The following RSPRY1 variants were observed in gnomAD, a reference collection of about 807,000 sequenced individuals.
The protein encoded by RSPRY1 is RING finger and SPRY domain-containing protein 1.
A neutral mutation model predicts 73.1 loss-of-function variants in RSPRY1; 23 were observed. The observed-to-expected ratio is 0.31, with a 90% CI of 0.23 to 0.45. The LOEUF is 0.45. Among genes scored for constraint, RSPRY1 ranks in the 20% least tolerant of loss-of-function variants. The probability of loss-of-function intolerance (pLI) is 1.00; values close to 1 mark genes in which losing one functional copy is unlikely to be tolerated. For missense variants in RSPRY1, 448 were observed against 698.7 expected (o/e 0.64, Z 4.05); for synonymous variants, 226 against 251.4 (o/e 0.90, Z 0.95).
chr16:57,221,527 C>A, intron 10 of RSPRY1, 112 bp downstream of exon 10: 2 of 1,166,530 alleles, frequency 1.7e-6, no homozygotes, highest in Non-Finnish European at 2.4e-6. Flanking sequence ...ATAATCTTTT[C>A]TTGGGCAGAG....
intron 7 of RSPRY1, 47 bp downstream of exon 7, chr16:57,216,220 TAAA>T: frequency 7.2e-7 from 1 of 1,392,252 alleles, no homozygotes; most frequent in Non-Finnish European, 1.0e-6. Context: ...TATTGGTTGT[TAAA>T]AATTTTATTT....
At chr16:57,199,615 T>C (rs1384866444) in intron 1 of RSPRY1, among the ~76,000 whole-genome samples, 1 of 152,236 alleles carries the variant, frequency 6.6e-6, no homozygotes, top group Non-Finnish European at 1.5e-5. Context: ...AGAGGAACTT[T>C]CACATTCCAT....
chr16:57,232,163 C>G (rs2075232470), intron 13 of RSPRY1, among the ~76,000 whole-genome samples: 1 of 152,192 alleles, frequency 6.6e-6, no homozygotes, highest in South Asian at 2.1e-4. Context: ...CATGACATAG[C>G]TAATGTCGGA....
intron 2 of RSPRY1, among the ~76,000 whole-genome samples, chr16:57,206,613 C>T (rs2074730720): frequency 6.6e-6 from 1 of 152,036 alleles, no homozygotes; most frequent in Admixed American, 6.6e-5. Flanking sequence ...CCCAGGCTGG[C>T]GTACAGTGGC....
At chr16:57,230,634 G>A in intron 11 of RSPRY1, 77 bp from the exon 12 acceptor site, 1 of 808,586 alleles carries the variant, frequency 1.2e-6, no homozygotes, top group East Asian at 2.5e-5. Context: ...CAGTGCCATT[G>A]AAACACTTGA....
At chr16:57,223,500 C>T (rs2075072548) in intron 10 of RSPRY1, among the ~76,000 whole-genome samples, 1 of 152,182 alleles carries the variant, frequency 6.6e-6, no homozygotes, top group East Asian at 1.9e-4. Context: ...TGCCTTTTGG[C>T]CAGGCGCAGT....
intron 1 of RSPRY1, among the ~76,000 whole-genome samples, chr16:57,192,664 T>TA (rs199506613): frequency 0.014 from 2,095 of 151,970 alleles, 39 homozygotes; most frequent in African/African-American, 0.047. Flanking sequence ...GCTACTAGGT[T>TA]AAAAAAGCTC....
intron 12 of RSPRY1, 47 bp from the exon 13 acceptor site, chr16:57,231,120 T>G: frequency 6.4e-7 from 1 of 1,565,794 alleles, no homozygotes; most frequent in Non-Finnish European, 8.7e-7. Flanking sequence ...TAACTCTATT[T>G]TGATTTTTAT....
chr16:57,190,280 A>G (rs1394715037), intron 1 of RSPRY1, among the ~76,000 whole-genome samples: 1 of 152,166 alleles, frequency 6.6e-6, no homozygotes, highest in African/African-American at 2.4e-5. Context: ...GAGGTGGTAG[A>G]ATCTCTTGAG....
chr16:57,200,161 C>T (rs1159458534), intron 1 of RSPRY1, among the ~76,000 whole-genome samples: 1 of 149,594 alleles, frequency 6.7e-6, no homozygotes, highest in Non-Finnish European at 1.5e-5. Context: ...TCTTGCACCA[C>T]CCTTAATCCA....
At chr16:57,186,220 A>G (rs1214464200), upstream of RSPRY1, 2 of 971,114 alleles carry the variant, frequency 2.1e-6, no homozygotes, top group Non-Finnish European at 2.4e-6. Flanking sequence ...TGATCACGTG[A>G]CACGATTTTT....
At chr16:57,191,139 T>C (rs1161869273) in intron 1 of RSPRY1, among the ~76,000 whole-genome samples, 1 of 152,156 alleles carries the variant, frequency 6.6e-6, no homozygotes, top group African/African-American at 2.4e-5. Context: ...CCTCATAGTT[T>C]AATGTTCAGT....
chr16:57,195,791 A>C (rs2146181561), intron 1 of RSPRY1, among the ~76,000 whole-genome samples: 1 of 151,634 alleles, frequency 6.6e-6, no homozygotes, highest in Middle Eastern at 3.4e-3. Context: ...GGGAGGCTGA[A>C]GTGGGTGGAT....
At chr16:57,209,552 C>T (rs1446312602) in intron 4 of RSPRY1, among the ~76,000 whole-genome samples, 5 of 152,078 alleles carry the variant, frequency 3.3e-5, no homozygotes, top group South Asian at 2.1e-4. Context: ...TTAGTAGAAA[C>T]GGGATTTCAC....
At chr16:57,201,322 G>T (rs1232513374) in intron 1 of RSPRY1, among the ~76,000 whole-genome samples, 2 of 145,098 alleles carry the variant, frequency 1.4e-5, no homozygotes, top group Non-Finnish European at 1.5e-5. Context: ...CTTCTCAGAC[G>T]GGGCGGCCGG....
chr16:57,188,577 C>T (rs1331845583), intron 1 of RSPRY1, among the ~76,000 whole-genome samples: 2 of 152,106 alleles, frequency 1.3e-5, no homozygotes, highest in African/African-American at 2.4e-5. Context: ...AGTGCAGTGG[C>T]GCTATCTCGG....
At chr16:57,234,037 C>T (rs2075265820) in intron 13 of RSPRY1, among the ~76,000 whole-genome samples, 1 of 152,156 alleles carries the variant, frequency 6.6e-6, no homozygotes, top group South Asian at 2.1e-4. Flanking sequence ...AAAGCCAAAA[C>T]CTTTCCGGTG....
intron 7 of RSPRY1, 29 bp from the exon 8 acceptor site, chr16:57,216,875 T>C: frequency 6.2e-7 from 1 of 1,603,782 alleles, no homozygotes; most frequent in South Asian, 1.1e-5. Context: ...CTTTCATTGT[T>C]AATTCAAGGA....
intron 11 of RSPRY1, among the ~76,000 whole-genome samples, chr16:57,228,176 G>A (rs1484033593): frequency 2.0e-5 from 3 of 150,982 alleles, no homozygotes; most frequent in Non-Finnish European, 4.4e-5. Context: ...GGGAGGCTGA[G>A]GCAGGAGAAT....
Sources: gnomAD v4.1 joint callset for allele counts (sites outside exome capture counted in the v4.1 genomes callset) on GRCh38, gnomAD v4.1.1 for gene constraint, MANE v1.5 for transcripts, NCBI Gene and HGNC (gene_info 2026-07-23, HGNC 2026-07-21) for gene names.